The following PDE3B variants were observed in gnomAD, a reference collection of about 807,000 sequenced individuals.
PDE3B encodes the protein phosphodiesterase 3B, also known as cGMP-inhibited 3',5'-cyclic phosphodiesterase 3B.
A neutral mutation model predicts 116.8 loss-of-function variants in PDE3B; 66 were observed. The ratio of observed to expected loss-of-function variants is 0.56; its 90% CI spans 0.46 to 0.69. PDE3B has a LOEUF of 0.69. PDE3B is among the 30% of genes least tolerant of loss of function. The pLI is 0.00. For synonymous variants in PDE3B, 595 were observed against 533.6 expected (o/e 1.12, Z -1.59); for missense variants, 1,384 against 1,368.1 (o/e 1.01, Z -0.18).
intron 12 of PDE3B, among the ~76,000 whole-genome samples, chr11:14,844,790 G>T (rs898214280): frequency 4.6e-5 from 7 of 152,228 alleles, no homozygotes; most frequent in African/African-American, 1.7e-4. Flanking sequence ...GGGAAAGGGC[G>T]CCCGCCATTG....
At chr11:14,729,753 T>A (rs974563364) in intron 1 of PDE3B, among the ~76,000 whole-genome samples, 12 of 152,190 alleles carry the variant, frequency 7.9e-5, no homozygotes, top group African/African-American at 2.9e-4. Flanking sequence ...GAGTATAAAA[T>A]CATAATCTAA....
chr11:14,754,294 T>C (rs1857128165), intron 1 of PDE3B, among the ~76,000 whole-genome samples: 1 of 152,052 alleles, frequency 6.6e-6, no homozygotes, highest in Admixed American at 6.6e-5. Context: ...TTTTCACTGT[T>C]CCTTAACTCT....
At position 14,867,768 on chromosome 11, in the gene PDE3B, T is replaced by C; in HGVS notation, c.3139+10T>C. On this transcript the variant is annotated intron_variant, in intron 15 of 15. Coordinates refer to ENST00000282096, the MANE Select transcript of PDE3B (RefSeq NM_000922.4). The stretch of plus-strand genomic sequence containing the variant: ...AACAATCTAAATCCAAGTAAGAATA[T>C]AGGGACATTATAATTTATTTAATGT... 1 of 1,580,786 alleles carries C rather than the reference T, an allele frequency of 6.3e-7. No homozygotes were observed. The highest frequency in any genetic ancestry group is 2.2e-5 in the East Asian group (1 of 44,582).
At chr11:14,811,393 C>T (rs950605716) in intron 5 of PDE3B, among the ~76,000 whole-genome samples, 14 of 152,276 alleles carry the variant, frequency 9.2e-5, no homozygotes, top group African/African-American at 2.4e-4. Flanking sequence ...ATATGGCTAG[C>T]GAGTTTTCCC....
At chr11:14,654,205 G>C (rs1459317585) in intron 1 of PDE3B, among the ~76,000 whole-genome samples, 2 of 152,022 alleles carry the variant, frequency 1.3e-5, no homozygotes, top group Non-Finnish European at 2.9e-5. Context: ...TGTCCAGAAA[G>C]CTCACTGAAT....
intron 11 of PDE3B, among the ~76,000 whole-genome samples, chr11:14,840,567 G>C (rs774620271): frequency 5.3e-5 from 8 of 152,156 alleles, no homozygotes; most frequent in Non-Finnish European, 7.4e-5. Context: ...CGGCTTTGTG[G>C]GGAATTCCCT....
At chr11:14,659,146 A>G (rs1202570811) in intron 1 of PDE3B, among the ~76,000 whole-genome samples, 1 of 152,210 alleles carries the variant, frequency 6.6e-6, no homozygotes, top group Non-Finnish European at 1.5e-5. Flanking sequence ...GCTTGGAAGA[A>G]TGTTGCAAGT....
rs191531757 is a variant in PDE3B, at chr11:14,714,960, A to G, written c.979-56977A>G. Among the ~76,000 whole-genome samples, 17 of 151,978 alleles carry G rather than the reference A, an allele frequency of 1.1e-4. No homozygotes were observed. The East Asian group carries it at 3.1e-3, about 28-fold the overall frequency. On this transcript the variant is annotated intron_variant, in intron 1 of 15. Transcript: ENST00000282096. Reference sequence around the variant, plus strand: ...TATAATATCTTAAATATTCTTAAATATTCTATTGGTGATTACACAGCAAAT... The same window carrying G: ...TATAATATCTTAAATATTCTTAAATGTTCTATTGGTGATTACACAGCAAAT...
At chr11:14,686,721 TA>T (rs1406634621) in intron 1 of PDE3B, among the ~76,000 whole-genome samples, 1 of 152,202 alleles carries the variant, frequency 6.6e-6, no homozygotes, top group Non-Finnish European at 1.5e-5. Context: ...TTTTTATTTT[TA>T]TTTTTTTTAA....
At chr11:14,686,503 T>C (rs1854877927) in intron 1 of PDE3B, among the ~76,000 whole-genome samples, 1 of 152,154 alleles carries the variant, frequency 6.6e-6, no homozygotes, top group Admixed American at 6.5e-5. Context: ...AGTTTTTCCT[T>C]TGGGGATAAG....
chr11:14,886,132 C>G, the PDE3B span: 53 of 566,288 alleles, frequency 9.4e-5, no homozygotes, highest in East Asian at 4.7e-4. Context: ...TGCCTAAAGT[C>G]ACAGTCTTAC....
At chr11:14,874,327 T>C (rs1778107544), downstream of PDE3B, among the ~76,000 whole-genome samples, 3 of 152,320 alleles carry the variant, frequency 2.0e-5, no homozygotes, top group Admixed American at 1.3e-4. Flanking sequence ...TAGCCTGAAA[T>C]CAAATCCAAT....
At chr11:14,844,699 C>T (rs926791084) in intron 12 of PDE3B, among the ~76,000 whole-genome samples, 6 of 152,200 alleles carry the variant, frequency 3.9e-5, no homozygotes, top group African/African-American at 9.6e-5. Context: ...GCACCTGGCT[C>T]GGAGGGTCCT....
intron 1 of PDE3B, among the ~76,000 whole-genome samples, chr11:14,740,698 C>T (rs1263556317): frequency 1.3e-5 from 2 of 152,024 alleles, no homozygotes; most frequent in African/African-American, 2.4e-5. Flanking sequence ...GATGTTAGTG[C>T]ATCGATTGTA....
rs782602184 is a variant in PDE3B, at chr11:14,861,357, T to C, written c.2877T>C (p.Phe959=). 6.2e-7 allele frequency: 1 copy of C among 1,613,320 alleles called. No individual in the cohort carries two copies. Among genetic ancestry groups the C allele is most frequent in the South Asian group, 1.1e-5 (1 of 91,048 alleles). The stretch of plus-strand genomic sequence containing the variant: ...GGACAGAAGGCATTGTCAATGAATT[T>C]TATGAGCAGGTAAGTTGAAACCTGA... The part of the protein sequence containing the change: ...LKWTEGIVNE[F]YEQGDEEANL... The change falls in exon 14 of 16, where the codon TTT becomes TTC. Residue 959 remains phenylalanine (F), a synonymous_variant. Transcript: ENST00000282096.
At chr11:14,820,151 CAAATA>C (rs915654393) in intron 7 of PDE3B, among the ~76,000 whole-genome samples, 25 of 150,240 alleles carry the variant, frequency 1.7e-4, no homozygotes, top group East Asian at 3.9e-4. Flanking sequence ...GGATTGTTAA[CAAATA>C]AAATAAAATA....
intron 1 of PDE3B, among the ~76,000 whole-genome samples, chr11:14,725,526 T>G: frequency 2.0e-5 from 1 of 50,020 alleles, no homozygotes. Context: ...CTTCTCCCCT[T>G]CCCTTCCCCT....
At position 14,815,707 on chromosome 11, in the gene PDE3B, A is replaced by C. The variant is rs76778262; in HGVS notation, c.1523-2476A>C. Among the ~76,000 whole-genome samples, 271 of 152,302 alleles carry C rather than the reference A, an allele frequency of 1.8e-3. 8 individuals carry two copies. The East Asian group carries it at 0.042, about 24-fold the overall frequency. On this transcript the variant is annotated intron_variant, in intron 5 of 15. Transcript: ENST00000282096. The stretch of plus-strand genomic sequence containing the variant: ...TCACAGGTGTTTTCTACACAAAGAC[A>C]TGAACACCAGGGGGCAAGGGTTAAT...
chr11:14,721,711 G>A (rs568830644), intron 1 of PDE3B, among the ~76,000 whole-genome samples: 1 of 90,380 alleles, frequency 1.1e-5, no homozygotes, highest in Non-Finnish European at 2.1e-5. Context: ...ACTCATAGGT[G>A]GGAATTGAAC....
Sources: gnomAD v4.1 joint callset for allele counts (sites outside exome capture counted in the v4.1 genomes callset) on GRCh38, gnomAD v4.1.1 for gene constraint, MANE v1.5 for transcripts, NCBI Gene and HGNC (gene_info 2026-07-23, HGNC 2026-07-21) for gene names.